TMEM230: variants seen among roughly 807,000 people sequenced by gnomAD.
The protein encoded by TMEM230 is UPF0414 transmembrane protein C20orf30.
In TMEM230, 10 loss-of-function variants were observed where a neutral mutation model predicts 15.8. That is an observed-to-expected ratio of 0.63 (90% CI 0.39 to 1.07). The LOEUF is 1.07. TMEM230 is among the 50% of genes least tolerant of loss of function. The pLI is 0.01. For synonymous variants in TMEM230, 67 were observed against 76.9 expected (o/e 0.87, Z 0.68); for missense variants, 165 against 193.3 (o/e 0.85, Z 0.87).
chr20:5,104,974 T>C (rs186119010), intron 4 of TMEM230, among the ~76,000 whole-genome samples: 3 of 152,332 alleles, frequency 2.0e-5, no homozygotes, highest in South Asian at 4.1e-4. Flanking sequence ...GAGAATAATT[T>C]ATTGTACATT....
At chr20:5,101,515 AGG>A (rs1234787573) in intron 4 of TMEM230, among the ~76,000 whole-genome samples, 3 of 151,802 alleles carry the variant, frequency 2.0e-5, no homozygotes, top group African/African-American at 7.3e-5. Flanking sequence ...TCGACTTCCC[AGG>A]CTCAAGTGAT....
chr20:5,075,833 CAAT>C (rs1194825106), intron 3 of TMEM230, among the ~76,000 whole-genome samples: 1 of 151,822 alleles, frequency 6.6e-6, no homozygotes, highest in African/African-American at 2.4e-5. Flanking sequence ...AGGTTTCTAA[CAAT>C]GAGACCAGGT....
intron 1 of TMEM230, chr20:5,112,584 T>G (rs1197600699): frequency 1.3e-6 from 1 of 744,704 alleles, no homozygotes; most frequent in Admixed American, 4.6e-5. Flanking sequence ...ACGAGCATTT[T>G]CAAAGTATCA....
chr20:5,078,456 A>C (rs2089071864), intron 3 of TMEM230, among the ~76,000 whole-genome samples: 2 of 152,150 alleles, frequency 1.3e-5, no homozygotes, highest in South Asian at 4.1e-4. Context: ...AACAGGTGTG[A>C]AGTATGAGAT....
At chr20:5,108,060 C>T (rs2090163420) in intron 3 of TMEM230, among the ~76,000 whole-genome samples, 1 of 151,536 alleles carries the variant, frequency 6.6e-6, no homozygotes, top group Non-Finnish European at 1.5e-5. Flanking sequence ...TTGCAGTGAG[C>T]CAGGATTGCA....
rs551577432 is a variant in TMEM230 at position 5,086,011 on chromosome 20, A to G, written c.223-16662T>C. On this transcript the variant is annotated intron_variant, in intron 3 of 3. Coordinates refer to the TMEM230 transcript ENST00000612323. ...CGTCATGCTTCTTGACTTGGGTAGT[A>G]CATCCTTGAACTTCCACTTTTATAA... is the stretch of plus-strand genomic sequence containing the variant. Among the ~76,000 whole-genome samples, 4 of 152,280 alleles carry G rather than the reference A, an allele frequency of 2.6e-5. No homozygotes were observed. In the South Asian group the frequency reaches 6.2e-4, roughly 24 times the overall value.
chr20:5,069,065 C>T (rs2088740322), exon 4 of TMEM230: 4 of 863,100 alleles, frequency 4.6e-6, no homozygotes, highest in Non-Finnish European at 5.2e-6. Context: ...ATATCCTGCT[C>T]TTAGTAGGAG....
At chr20:5,079,547 G>T (rs983698169) in intron 3 of TMEM230, among the ~76,000 whole-genome samples, 1 of 152,078 alleles carries the variant, frequency 6.6e-6, no homozygotes, top group Admixed American at 6.6e-5. Flanking sequence ...GAGTGCAATG[G>T]CACAATCATA....
chr20:5,061,152 T>C, the TMEM230 span: 1 of 152,198 alleles, frequency 6.6e-6, no homozygotes, highest in Non-Finnish European at 1.5e-5. Flanking sequence ...CATATTATGA[T>C]ATCAATACCT....
chr20:5,100,131 A>T lies in TMEM230; in HGVS notation c.*660T>A. The T allele has an allele frequency of 2.0e-6, 2 of 985,448 alleles. No individual in the cohort carries two copies. Among genetic ancestry groups the T allele is most frequent in the Non-Finnish European group, 2.4e-6 (2 of 829,934 alleles). 61.0% of individuals were successfully genotyped at this position (985,448 alleles called of 1,614,324 possible). ...AATAATCTGCAGAACATCTTGATTT[A>T]CAAGGGACAAAATGATGCAAATTAT... On this transcript the variant is annotated 3_prime_UTR_variant, in exon 5 of 5. Coordinates refer to ENST00000342308, the MANE Select transcript of TMEM230 (RefSeq NM_001009923.2).
At chr20:5,103,085 C>T (rs563918103) in intron 4 of TMEM230, among the ~76,000 whole-genome samples, 10 of 152,090 alleles carry the variant, frequency 6.6e-5, no homozygotes, top group Admixed American at 1.3e-4. Flanking sequence ...CTACATCCAC[C>T]GGGTGTGGTG....
intron 2 of TMEM230, among the ~76,000 whole-genome samples, chr20:5,110,732 A>C (rs138945496): frequency 1.3e-3 from 195 of 152,346 alleles, no homozygotes; most frequent in African/African-American, 4.4e-3. Flanking sequence ...ATCTTACAAA[A>C]AATTTTAAAG....
chr20:5,080,748 C>T (rs71333997), intron 3 of TMEM230, among the ~76,000 whole-genome samples: 10,202 of 152,128 alleles, frequency 0.067, 918 homozygotes, highest in African/African-American at 0.21. Flanking sequence ...CACCATGTTG[C>T]CCAGGCTGGT....
intron 3 of TMEM230, among the ~76,000 whole-genome samples, chr20:5,078,269 G>T (rs1474667157): frequency 6.6e-6 from 1 of 152,090 alleles, no homozygotes; most frequent in Non-Finnish European, 1.5e-5. Flanking sequence ...TTTAAACAAG[G>T]GACTGCGCAT....
At chr20:5,070,124 G>A (rs1318586209) in intron 3 of TMEM230, among the ~76,000 whole-genome samples, 2 of 152,070 alleles carry the variant, frequency 1.3e-5, no homozygotes, top group Non-Finnish European at 2.9e-5. Context: ...TAGCTCTCTT[G>A]GAACTTTGCT....
chr20:5,096,968 C>T (rs1411685276), downstream of TMEM230, among the ~76,000 whole-genome samples: 4 of 152,174 alleles, frequency 2.6e-5, no homozygotes, highest in Non-Finnish European at 5.9e-5. Context: ...CTGGAGAATG[C>T]TACTCAGCTA....
intron 4 of TMEM230, among the ~76,000 whole-genome samples, chr20:5,103,145 C>T (rs1216660485): frequency 6.6e-6 from 1 of 152,222 alleles, no homozygotes; most frequent in Admixed American, 6.5e-5. Context: ...GGGCCTCACA[C>T]TGACCATAAT....
chr20:5,061,498 C>T, the TMEM230 span, among the ~76,000 whole-genome samples: 12 of 152,234 alleles, frequency 7.9e-5, no homozygotes, highest in Non-Finnish European at 1.0e-4. Flanking sequence ...AAGTGCTAGC[C>T]TAGGCTGCCC....
intron 1 of TMEM230, chr20:5,112,576 G>T: frequency 3.0e-6 from 2 of 656,430 alleles, no homozygotes; most frequent in Non-Finnish European, 4.2e-6. Context: ...AAATAAAAAC[G>T]AGCATTTTCA....
Sources: allele counts gnomAD v4.1 joint callset (sites outside exome capture counted in the v4.1 genomes callset), GRCh38; gene constraint gnomAD v4.1.1; transcripts MANE v1.5; gene names NCBI Gene and HGNC (gene_info 2026-07-23, HGNC 2026-07-21).